NTM: variants seen among roughly 807,000 people sequenced by gnomAD.
The protein encoded by NTM is IgLON family member 2.
In NTM, 13 loss-of-function variants were observed where a neutral mutation model predicts 42.1. The observed-to-expected ratio is 0.31, with a 90% CI of 0.20 to 0.49. The LOEUF (loss-of-function observed/expected upper bound fraction) is 0.49. NTM is among the 20% of genes least tolerant of loss of function. The probability of loss-of-function intolerance (pLI) is 0.99; values close to 1 mark genes in which losing one functional copy is unlikely to be tolerated. For synonymous variants in NTM, 187 were observed against 179.2 expected (o/e 1.04, Z -0.35); for missense variants, 373 against 452.8 (o/e 0.82, Z 1.60).
chr11:131,498,073 A>C (rs61901918), intron 1 of NTM, among the ~76,000 whole-genome samples: 1 of 152,162 alleles, frequency 6.6e-6, no homozygotes, highest in African/African-American at 2.4e-5. Context: ...CCGTTTCTCC[A>C]TCGCTCCATC....
chr11:131,383,543 G>C (rs1161495581), intron 1 of NTM, among the ~76,000 whole-genome samples: 4 of 152,322 alleles, frequency 2.6e-5, no homozygotes, highest in African/African-American at 9.6e-5. Flanking sequence ...ACAGGGAAGA[G>C]AGCATGGTAG....
intron 1 of NTM, among the ~76,000 whole-genome samples, chr11:131,783,807 A>G (rs1284724926): frequency 1.3e-5 from 2 of 152,172 alleles, no homozygotes; most frequent in African/African-American, 4.8e-5. Context: ...CCAAACTGAA[A>G]TCTTTTACTC....
At chr11:131,901,538 A>G (rs1397713229) in intron 1 of NTM, among the ~76,000 whole-genome samples, 1 of 152,048 alleles carries the variant, frequency 6.6e-6, no homozygotes. Context: ...AAAATATTAA[A>G]TTTGATTTGT....
intron 1 of NTM, among the ~76,000 whole-genome samples, chr11:131,806,279 C>A (rs184199970): frequency 6.6e-6 from 1 of 152,152 alleles, no homozygotes; most frequent in South Asian, 2.1e-4. Flanking sequence ...ACTGCTATGA[C>A]CCAGAATCTT....
chr11:131,718,360 A>G (rs1347163609), intron 1 of NTM, among the ~76,000 whole-genome samples: 1 of 152,162 alleles, frequency 6.6e-6, no homozygotes, highest in African/African-American at 2.4e-5. Context: ...TTGTGGAAGG[A>G]CTTTTTTCTA....
At chr11:131,485,359 A>G (rs946928945) in intron 1 of NTM, among the ~76,000 whole-genome samples, 1 of 152,200 alleles carries the variant, frequency 6.6e-6, no homozygotes, top group African/African-American at 2.4e-5. Context: ...GATGCGAGAG[A>G]GGCCCTTCTG....
intron 4 of NTM, among the ~76,000 whole-genome samples, chr11:132,222,148 G>C (rs903008228): frequency 1.6e-4 from 25 of 152,126 alleles, no homozygotes; most frequent in Non-Finnish European, 3.5e-4. Context: ...AGTAGGTCTG[G>C]AGATGAGCAC....
intron 1 of NTM, among the ~76,000 whole-genome samples, chr11:131,802,703 GCAAA>G (rs1296997997): frequency 2.0e-5 from 3 of 152,186 alleles, no homozygotes; most frequent in Admixed American, 2.0e-4. Context: ...CCTTTCTCGT[GCAAA>G]CAGAGTGCTG....
chr11:131,449,905 C>T (rs1203162998), intron 1 of NTM, among the ~76,000 whole-genome samples: 2 of 152,194 alleles, frequency 1.3e-5, no homozygotes, highest in African/African-American at 4.8e-5. Context: ...CTTCTACCTA[C>T]TCACTCCACT....
At chr11:131,921,322 C>T (rs930788935) in intron 2 of NTM, among the ~76,000 whole-genome samples, 3 of 152,154 alleles carry the variant, frequency 2.0e-5, no homozygotes, top group Admixed American at 6.6e-5. Context: ...ACAGAAGACA[C>T]GCAGAGAGTG....
intron 4 of NTM, among the ~76,000 whole-genome samples, chr11:132,254,585 T>G (rs2139428666): frequency 6.6e-6 from 1 of 152,232 alleles, no homozygotes; most frequent in East Asian, 1.9e-4. Context: ...CTCATTCCTT[T>G]AATTTTCTTT....
At chr11:131,569,208 A>G (rs892314390) in intron 1 of NTM, among the ~76,000 whole-genome samples, 1 of 150,984 alleles carries the variant, frequency 6.6e-6, no homozygotes, top group Non-Finnish European at 1.5e-5. Context: ...GCAATGGCAC[A>G]ATCTTGGCTC....
intron 1 of NTM, among the ~76,000 whole-genome samples, chr11:131,622,692 G>A (rs1361294403): frequency 6.6e-6 from 1 of 152,136 alleles, no homozygotes; most frequent in Non-Finnish European, 1.5e-5. Context: ...TCTGCCCCTA[G>A]GCCACTGTTT....
At chr11:132,300,211 G>A (rs188832224) in intron 4 of NTM, among the ~76,000 whole-genome samples, 2 of 152,246 alleles carry the variant, frequency 1.3e-5, no homozygotes, top group East Asian at 1.9e-4. Flanking sequence ...AGATGTTCTT[G>A]TATCAAGGAT....
intron 2 of NTM, among the ~76,000 whole-genome samples, chr11:132,115,050 G>A (rs538619200): frequency 6.6e-5 from 10 of 152,286 alleles, no homozygotes; most frequent in African/African-American, 9.6e-5. Flanking sequence ...TAAGTCAGAC[G>A]TAGAAAGACA....
intron 3 of NTM, among the ~76,000 whole-genome samples, chr11:132,180,595 A>C (rs1253694364): frequency 6.6e-6 from 1 of 152,152 alleles, no homozygotes; most frequent in African/African-American, 2.4e-5. Context: ...AAAACCAACC[A>C]ACCAACCGAA....
intron 1 of NTM, among the ~76,000 whole-genome samples, chr11:131,593,720 C>A (rs747751287): frequency 6.6e-6 from 1 of 152,168 alleles, no homozygotes; most frequent in Non-Finnish European, 1.5e-5. Context: ...GTTCTAAAAC[C>A]TCTTGTATTT....
chr11:131,432,416 T>C (rs755773378), intron 1 of NTM, among the ~76,000 whole-genome samples: 31 of 152,328 alleles, frequency 2.0e-4, no homozygotes, highest in Non-Finnish European at 3.2e-4. Context: ...GGATCTTCTT[T>C]ACATTGGAGG....
At chr11:131,450,910 T>A (rs1016422790) in intron 1 of NTM, among the ~76,000 whole-genome samples, 1 of 151,608 alleles carries the variant, frequency 6.6e-6, no homozygotes, top group Non-Finnish European at 1.5e-5. Flanking sequence ...TAAATAAACC[T>A]TTTTTTTTCT....
Sources: allele counts gnomAD v4.1 joint callset (sites outside exome capture counted in the v4.1 genomes callset), GRCh38; gene constraint gnomAD v4.1.1; transcripts MANE v1.5; gene names NCBI Gene and HGNC (gene_info 2026-07-23, HGNC 2026-07-21).